The following SLC22A24 variants were observed in gnomAD, a reference collection of about 807,000 sequenced individuals.
SLC22A24 encodes the protein solute carrier family 22 member 24, also known as steroid transmembrane transporter SLC22A24.
Under a neutral mutation model 49.8 loss-of-function variants are expected in SLC22A24, and 53 were observed. That is an observed-to-expected ratio of 1.06 (90% confidence interval 0.85 to 1.34). SLC22A24 has a LOEUF of 1.34. SLC22A24 is among the 40% of genes most tolerant of loss of function. The pLI, the probability that SLC22A24 is intolerant of heterozygous loss-of-function variation, is 0.00. For missense variants in SLC22A24, 786 were observed against 675.9 expected (o/e 1.16, Z -1.81); for synonymous variants, 302 against 256.4 (o/e 1.18, Z -1.70).
intron 5 of SLC22A24, among the ~76,000 whole-genome samples, chr11:63,097,185 A>G (rs1489329309): frequency 2.0e-5 from 3 of 151,614 alleles, no homozygotes; most frequent in Non-Finnish European, 2.9e-5. Flanking sequence ...CCATCTGTCA[A>G]AGGGCTAATA....
intron 1 of SLC22A24, 65 bp downstream of exon 1, chr11:63,143,313 A>AT (rs1565047666): frequency 2.2e-6 from 3 of 1,351,086 alleles, no homozygotes; most frequent in Non-Finnish European, 1.9e-6. Context: ...AAGCAAGTCA[A>AT]TTTTTTTGTG....
At chr11:63,120,076 G>A (rs1414376479) in intron 2 of SLC22A24, among the ~76,000 whole-genome samples, 2 of 151,138 alleles carry the variant, frequency 1.3e-5, no homozygotes, top group South Asian at 2.1e-4. Context: ...TAGGTTGCCT[G>A]TTCACTCTGA....
At chr11:63,116,851 C>T (rs1332109818) in intron 4 of SLC22A24, among the ~76,000 whole-genome samples, 1 of 152,154 alleles carries the variant, frequency 6.6e-6, no homozygotes, top group Non-Finnish European at 1.5e-5. Flanking sequence ...GCCTGCCCAA[C>T]TCTTCTGTTT....
rs1187158341 is a variant in SLC22A24, at chr11:63,081,040, G to T, written c.1478C>A (p.Ser493Tyr). Residue 493 changes from serine (S) to tyrosine (Y), a missense_variant, in exon 9 of 10, where the codon TCT becomes TAT. By Grantham distance (144) the Ser-to-Tyr change is moderately radical. Coordinates refer to ENST00000612278, the MANE Select transcript of SLC22A24 (RefSeq NM_001136506.2). ...APLLMTLMAY[S>Y]PHLPWISYGV... ...ATAGGAAATCCAGGGTAGGTGGGGA[G>T]AATACGCCATTAAGGTCATCAACAG... 1 of 1,551,702 alleles carries T rather than the reference G, an allele frequency of 6.4e-7. No individual in the cohort carries two copies.
intron 4 of SLC22A24, among the ~76,000 whole-genome samples, chr11:63,105,219 C>A (rs2087113518): frequency 6.6e-6 from 1 of 152,248 alleles, no homozygotes; most frequent in Admixed American, 6.5e-5. Context: ...TGCAGTCTGG[C>A]ATTGAGTGTC....
intron 6 of SLC22A24, among the ~76,000 whole-genome samples, chr11:63,094,915 C>A (rs1282482313): frequency 1.3e-5 from 2 of 152,048 alleles, no homozygotes; most frequent in East Asian, 3.9e-4. Flanking sequence ...CAACAATTTT[C>A]TCCCATTGTG....
chr11:63,136,610 C>T (rs1410257758), intron 1 of SLC22A24, among the ~76,000 whole-genome samples: 1 of 152,236 alleles, frequency 6.6e-6, no homozygotes, highest in Non-Finnish European at 1.5e-5. Context: ...TCCTGCACAG[C>T]TGGCTCTGCA....
Position 63,099,371 on chromosome 11 carries a change from ATTTTTTTTTTT to A in SLC22A24, c.955-3276_955-3266del, listed in dbSNP as rs56708217. ...CCACCACACCTGGCTAATTTTTAAGATTTTTTTTTTTTTTTTTTTTTTTTTTTTTGTAGAGA... is the reference window on the plus strand; with the variant it reads ...CCACCACACCTGGCTAATTTTTAAGATTTTTTTTTTTTTTTTTTGTAGAGA... On this transcript the variant is annotated intron_variant, in intron 5 of 9. Transcript: ENST00000612278. Among the ~76,000 whole-genome samples the A allele has an allele frequency of 6.7e-3, 349 of 52,346 alleles. 5 individuals carry two copies. The highest frequency in any genetic ancestry group is 0.037 in the South Asian group (30 of 812). 34.3% of individuals were successfully genotyped at this position (52,346 alleles called of 152,430 possible).
chr11:63,115,858 C>G, intron 4 of SLC22A24: 1 of 232,606 alleles, frequency 4.3e-6, no homozygotes, highest in Non-Finnish European at 8.5e-6. Context: ...TCTGTCCTCA[C>G]CTTGGTAGAC....
At chr11:63,108,937 C>T (rs1315367756) in intron 4 of SLC22A24, among the ~76,000 whole-genome samples, 1 of 144,670 alleles carries the variant, frequency 6.9e-6, no homozygotes, top group African/African-American at 2.5e-5. Context: ...TGCTGGTGTG[C>T]TGCACCCACT....
rs1406385309 is a variant in SLC22A24, at chr11:63,111,672, A to G, written c.830+7240T>C. Among the ~76,000 whole-genome samples the G allele has an allele frequency of 1.2e-4, 18 of 150,540 alleles. No homozygotes were observed. The East Asian group carries it at 3.1e-3, about 26-fold the overall frequency. ...GTAGTATTCTCTGATGGTAGTTTGT[A>G]TTTCTGTGGGATCGGTGGTGATATC... On this transcript the variant is annotated intron_variant, in intron 4 of 9. Transcript: ENST00000612278.
At chr11:63,097,191 T>TA (rs1266029441) in intron 5 of SLC22A24, among the ~76,000 whole-genome samples, 1 of 150,720 alleles carries the variant, frequency 6.6e-6, no homozygotes, top group Non-Finnish European at 1.5e-5. Flanking sequence ...GTCAAAGGGC[T>TA]AATATCCAGA....
At chr11:63,082,384 A>G (rs2086965261) in intron 7 of SLC22A24, among the ~76,000 whole-genome samples, 1 of 152,246 alleles carries the variant, frequency 6.6e-6, no homozygotes, top group Non-Finnish European at 1.5e-5. Flanking sequence ...ATAGGATTTT[A>G]AAACAGTGGA....
chr11:63,130,133 A>G (rs1189298911), intron 2 of SLC22A24, among the ~76,000 whole-genome samples: 2 of 152,160 alleles, frequency 1.3e-5, no homozygotes, highest in African/African-American at 2.4e-5. Flanking sequence ...AACTCTTATT[A>G]TTTTGAGATA....
At chr11:63,086,713 C>G (rs1327148399) in intron 6 of SLC22A24, among the ~76,000 whole-genome samples, 2 of 151,830 alleles carry the variant, frequency 1.3e-5, no homozygotes, top group Admixed American at 6.6e-5. Flanking sequence ...CAAAGAGGAT[C>G]CAAATCATGA....
intron 2 of SLC22A24, among the ~76,000 whole-genome samples, chr11:63,124,405 T>A (rs547006500): frequency 6.6e-6 from 1 of 152,192 alleles, no homozygotes; most frequent in Non-Finnish European, 1.5e-5. Context: ...AGTCAAACAC[T>A]AGCAGACGGT....
rs528504386 is a variant in SLC22A24, at chr11:63,116,510, C to G, written c.830+2402G>C. Among the ~76,000 whole-genome samples the G allele has an allele frequency of 2.0e-5, 3 of 152,008 alleles. No homozygotes were observed. The East Asian group carries it at 5.8e-4, about 29-fold the overall frequency. On this transcript the variant is annotated intron_variant, in intron 4 of 9. Transcript: ENST00000612278. ...TCTTTTCCATGATGAGTTAGCTTTTCTTTTGATGGTTTTAAAAATCTTTCT... is the reference window on the plus strand; with the variant it reads ...TCTTTTCCATGATGAGTTAGCTTTTGTTTTGATGGTTTTAAAAATCTTTCT...
In SLC22A24 at chr11:63,111,128, T is replaced by C. The variant is rs998353964; in HGVS notation, c.831-6830A>G. 4.1e-4 allele frequency among the ~76,000 whole-genome samples: 63 copies of C among 152,208 alleles called. 1 individual carries two copies. Among genetic ancestry groups the C allele is most frequent in the African/African-American group, 1.5e-3 (62 of 41,562 alleles). On this transcript the variant is annotated intron_variant, in intron 4 of 9. Transcript: ENST00000612278. ...TAATCATGTGGTTTTTGTCTTTGGT[T>C]CTTTTTATATGCTGGATTACATTTA...
chr11:63,081,224 C>T, intron 8 of SLC22A24, 101 bp from the exon 9 acceptor site: 1 of 997,626 alleles, frequency 1.0e-6, no homozygotes, highest in African/African-American at 1.6e-5. Flanking sequence ...AACAGAGTTA[C>T]TAAACACATG....
Sources: allele counts gnomAD v4.1 joint callset (sites outside exome capture counted in the v4.1 genomes callset), GRCh38; gene constraint gnomAD v4.1.1; transcripts MANE v1.5; gene names NCBI Gene and HGNC (gene_info 2026-07-23, HGNC 2026-07-21).